The following L3MBTL4 variants were observed in gnomAD, a reference collection of about 807,000 sequenced individuals.
L3MBTL4 encodes lethal(3)malignant brain tumor-like protein 4.
L3MBTL4 carries 70 observed loss-of-function variants against 84.5 expected under a neutral mutation model. That is an observed-to-expected ratio of 0.83 (90% CI 0.68 to 1.01). The LOEUF (loss-of-function observed/expected upper bound fraction) is 1.01, where lower values mean the gene tolerates loss of function less well. Among genes scored for constraint, L3MBTL4 ranks in the 50% least tolerant of loss-of-function variants. L3MBTL4 has a pLI of 0.00. For synonymous variants in L3MBTL4, 274 were observed against 259.8 expected (o/e 1.05, Z -0.52); for missense variants, 715 against 754.8 (o/e 0.95, Z 0.62).
intron 13 of L3MBTL4, among the ~76,000 whole-genome samples, chr18:6,160,357 T>C (rs2043276113): frequency 6.6e-6 from 1 of 152,172 alleles, no homozygotes. Context: ...TCAGCAGTGT[T>C]ACAAGTCAGG....
Position 6,071,758 on chromosome 18 carries a change from AAAAAAAGAAAGAAAG to A in L3MBTL4, c.1444+9108_1444+9122del, listed in dbSNP as rs1568066536. ...GAAAGAAGGAAGGAAAGAAAGAAAG[AAAAAAAGAAAGAAAG>A]AAAGAAAGAAAGAAAGAAAGAAAGA... On this transcript the variant is annotated intron_variant, in intron 16 of 18. Coordinates refer to ENST00000317931, the MANE Select transcript of L3MBTL4 (RefSeq NM_001330559.2). Among the ~76,000 whole-genome samples, 383 of 140,282 alleles carry A rather than the reference AAAAAAAGAAAGAAAG, an allele frequency of 2.7e-3. 3 individuals carry two copies. The highest frequency in any genetic ancestry group is 8.7e-3 in the South Asian group (38 of 4,364). The allele number at this position is 140,282 out of a possible 152,430, so 92.0% of individuals were successfully genotyped here. A position where few individuals can be genotyped will look rare whatever the true frequency, so the allele number is the denominator to read the frequency against.
intron 14 of L3MBTL4, among the ~76,000 whole-genome samples, chr18:6,104,361 T>C (rs1286657116): frequency 3.9e-5 from 6 of 152,190 alleles, no homozygotes; most frequent in Admixed American, 3.3e-4. Context: ...AAAGAAGATA[T>C]GGTATATACA....
chr18:6,215,824 G>A lies in L3MBTL4; in HGVS notation c.796C>T (p.Pro266Ser). The A allele has an allele frequency of 6.3e-7, 1 of 1,590,976 alleles. No individual in the cohort carries two copies. Among genetic ancestry groups the A allele is most frequent in the Non-Finnish European group, 8.6e-7 (1 of 1,164,536 alleles). The change falls in exon 11 of 19, where the codon CCA (proline) becomes TCA (serine). Residue 266 changes from proline to serine, a missense_variant. Coordinates refer to ENST00000317931, the MANE Select transcript of L3MBTL4 (RefSeq NM_001330559.2). ...TATTCTGTCCAGGAAAAATTTTCTG[G>A]ATTGGGATAACCTGAAAATATATAT... ...TLIAPQGYPN[P>S]ENFSWTEYLE...
chr18:6,034,318 C>A (rs1296345485), intron 16 of L3MBTL4, among the ~76,000 whole-genome samples: 1 of 151,910 alleles, frequency 6.6e-6, no homozygotes, highest in East Asian at 1.9e-4. Context: ...CCACAACAGT[C>A]CCCAGAGTGT....
chr18:6,282,703 A>G (rs1007626697), intron 4 of L3MBTL4, among the ~76,000 whole-genome samples: 3 of 152,186 alleles, frequency 2.0e-5, no homozygotes, highest in African/African-American at 7.2e-5. Flanking sequence ...AGGCAGGTGG[A>G]CAGGATCAGG....
At chr18:6,047,773 T>G (rs574934555) in intron 16 of L3MBTL4, among the ~76,000 whole-genome samples, 2 of 152,132 alleles carry the variant, frequency 1.3e-5, no homozygotes, top group African/African-American at 4.8e-5. Context: ...AAGCCATCTG[T>G]GACAAACCCA....
intron 1 of L3MBTL4, among the ~76,000 whole-genome samples, chr18:6,353,837 G>T (rs2053313583): frequency 6.6e-6 from 1 of 151,906 alleles, no homozygotes; most frequent in African/African-American, 2.4e-5. Flanking sequence ...AATCAATATT[G>T]TTAAAATGTC....
intron 12 of L3MBTL4, among the ~76,000 whole-genome samples, chr18:6,200,991 T>C (rs2045626164): frequency 6.6e-6 from 1 of 152,220 alleles, no homozygotes; most frequent in Non-Finnish European, 1.5e-5. Context: ...CATTCATTCC[T>C]TTCTCCATTC....
At chr18:6,181,305 C>T (rs2044461430) in intron 12 of L3MBTL4, among the ~76,000 whole-genome samples, 2 of 151,806 alleles carry the variant, frequency 1.3e-5, no homozygotes, top group African/African-American at 4.8e-5. Flanking sequence ...AGGCATAGTA[C>T]CTGATAGGTA....
At chr18:6,057,838 G>C (rs2057079876) in intron 16 of L3MBTL4, among the ~76,000 whole-genome samples, 1 of 152,198 alleles carries the variant, frequency 6.6e-6, no homozygotes, top group African/African-American at 2.4e-5. Flanking sequence ...AGTGTACTCA[G>C]AGTGACTCAA....
chr18:6,306,939 AC>A (rs2050612862), intron 3 of L3MBTL4, among the ~76,000 whole-genome samples: 1 of 152,086 alleles, frequency 6.6e-6, no homozygotes, highest in Non-Finnish European at 1.5e-5. Context: ...TCCAATGCTC[AC>A]CTACTATACT....
intron 4 of L3MBTL4, among the ~76,000 whole-genome samples, chr18:6,288,030 G>A (rs1178741033): frequency 1.3e-5 from 2 of 152,122 alleles, no homozygotes; most frequent in South Asian, 2.1e-4. Context: ...GTGACAAAAC[G>A]AGACTCTGTC....
intron 14 of L3MBTL4, among the ~76,000 whole-genome samples, chr18:6,103,914 C>G (rs2058913815): frequency 6.6e-6 from 1 of 152,152 alleles, no homozygotes; most frequent in South Asian, 2.1e-4. Flanking sequence ...ACTGCCTGGG[C>G]CGAGTGTTCC....
At chr18:6,403,029 T>C (rs1489120192) in intron 1 of L3MBTL4, among the ~76,000 whole-genome samples, 1 of 152,148 alleles carries the variant, frequency 6.6e-6, no homozygotes, top group African/African-American at 2.4e-5. Context: ...TAAATATGTG[T>C]GGGGTTTCCT....
intron 12 of L3MBTL4, among the ~76,000 whole-genome samples, chr18:6,178,004 C>G (rs538596315): frequency 6.6e-6 from 1 of 152,254 alleles, no homozygotes; most frequent in East Asian, 1.9e-4. Context: ...AATACCCCAG[C>G]AAGGTCCTGC....
chr18:6,023,643 T>A (rs8098531), intron 16 of L3MBTL4, among the ~76,000 whole-genome samples: 78,459 of 152,110 alleles, frequency 0.52, 22,341 homozygotes, highest in Non-Finnish European at 0.67. Flanking sequence ...AGTTTACAAC[T>A]ATTGAAGTTG....
chr18:6,406,822 A>G (rs899493591), intron 1 of L3MBTL4, among the ~76,000 whole-genome samples: 8 of 152,054 alleles, frequency 5.3e-5, no homozygotes, highest in African/African-American at 1.9e-4. Context: ...TGTAACTACG[A>G]AAAAAAAGCC....
intron 18 of L3MBTL4, among the ~76,000 whole-genome samples, chr18:5,958,053 AAGG>A (rs2095238569): frequency 7.8e-6 from 1 of 128,894 alleles, no homozygotes; most frequent in Non-Finnish European, 1.6e-5. Context: ...GGAGAAGGAG[AAGG>A]AGAAGGAGAA....
intron 16 of L3MBTL4, among the ~76,000 whole-genome samples, chr18:5,976,034 A>G (rs1450381729): frequency 5.9e-5 from 9 of 152,340 alleles, no homozygotes; most frequent in African/African-American, 1.9e-4. Context: ...GAGATTGTCC[A>G]CTGCTTAGTG....
Sources: allele counts gnomAD v4.1 joint callset (sites outside exome capture counted in the v4.1 genomes callset), GRCh38; gene constraint gnomAD v4.1.1; transcripts MANE v1.5; gene names NCBI Gene and HGNC (gene_info 2026-07-23, HGNC 2026-07-21).